The following AP3D1 variants were observed in gnomAD, a reference collection of about 807,000 sequenced individuals.
The protein encoded by AP3D1 is adaptor related protein complex 3 subunit delta 1.
Under a neutral mutation model 147.6 loss-of-function variants are expected in AP3D1, and 51 were observed. The observed-to-expected ratio is 0.35, with a 90% CI of 0.28 to 0.44. The LOEUF (loss-of-function observed/expected upper bound fraction) is 0.44, where lower values mean the gene tolerates loss of function less well. Among genes scored for constraint, AP3D1 ranks in the 20% least tolerant of loss-of-function variants. The pLI is 1.00. For missense variants in AP3D1, 1,421 were observed against 1,624.2 expected (o/e 0.87, Z 2.15); for synonymous variants, 760 against 663.0 (o/e 1.15, Z -2.25).
At chr19:2,129,480 C>G (rs1268615601) in intron 6 of AP3D1, 23 bp from the exon 7 acceptor site, 5 of 1,607,048 alleles carry the variant, frequency 3.1e-6, no homozygotes, top group Admixed American at 1.7e-5. Flanking sequence ...GGGTTCTCAT[C>G]AGCATGCCTG....
chr19:2,120,180 A>C (rs920344802), intron 14 of AP3D1, among the ~76,000 whole-genome samples: 5 of 152,124 alleles, frequency 3.3e-5, no homozygotes, highest in Admixed American at 6.5e-5. Context: ...TTTCCAAGAG[A>C]GCCTGGAAAT....
chr19:2,155,730 G>C (rs539360652), upstream of AP3D1, among the ~76,000 whole-genome samples: 2 of 152,022 alleles, frequency 1.3e-5, no homozygotes, highest in South Asian at 4.1e-4. Flanking sequence ...TGTATGGGTG[G>C]ACATTTAAAA....
chr19:2,115,101 T>C, intron 20 of AP3D1, 118 bp downstream of exon 20: 1 of 1,078,430 alleles, frequency 9.3e-7, no homozygotes, highest in Middle Eastern at 2.9e-4. Flanking sequence ...CTCTCCGGGG[T>C]GGGGCCTCAT....
chr19:2,119,681 T>C (rs529226674), intron 14 of AP3D1, among the ~76,000 whole-genome samples: 3 of 91,318 alleles, frequency 3.3e-5, no homozygotes, highest in South Asian at 3.6e-4. Context: ...GGAAAACAGA[T>C]AGAGCAAGAC....
intron 31 of AP3D1, among the ~76,000 whole-genome samples, chr19:2,108,440 G>T (rs530527746): frequency 3.3e-5 from 5 of 152,290 alleles, no homozygotes; most frequent in African/African-American, 9.6e-5. Context: ...CAGTGGGAGT[G>T]GGGCCCCTGG....
chr19:2,142,794 C>T (rs1323752201), intron 1 of AP3D1, among the ~76,000 whole-genome samples: 9 of 151,166 alleles, frequency 6.0e-5, no homozygotes, highest in African/African-American at 2.2e-4. Context: ...CAGAGTTTCA[C>T]TCTTGTTGCC....
At position 2,116,703 on chromosome 19, in the gene AP3D1, C is replaced by T. The variant is rs769016159; in HGVS notation, c.1903G>A (p.Glu635Lys). 4 of 1,611,446 alleles carry T rather than the reference C, an allele frequency of 2.5e-6. No individual in the cohort carries two copies. The highest frequency in any genetic ancestry group is 1.7e-5 in the Admixed American group (1 of 59,798). Reference sequence around the variant, plus strand: ...GCCCTGGGCCTCTCGTCCTCTGACTCGCTGTCCGAGAGTGGCTCATTGATC... The same window carrying T: ...GCCCTGGGCCTCTCGTCCTCTGACTTGCTGTCCGAGAGTGGCTCATTGATC... ...AWINEPLSDS[E>K]SEDERPRAVF... Residue 635 changes from glutamate (E) to lysine (K), a missense_variant, in exon 17 of 32, where the codon GAG (glutamate) becomes AAG (lysine). By Grantham distance (56) the Glu-to-Lys change is moderately conservative. Coordinates refer to ENST00000643116, the MANE Select transcript of AP3D1 (RefSeq NM_001261826.3).
At chr19:2,114,523 C>T (rs1408588046) in intron 21 of AP3D1, among the ~76,000 whole-genome samples, 1 of 152,166 alleles carries the variant, frequency 6.6e-6, no homozygotes, top group East Asian at 1.9e-4. Context: ...TGGAGACCTC[C>T]CGAGCACCCC....
chr19:2,137,228 G>GCGTC, intron 3 of AP3D1, 137 bp from the exon 4 acceptor site: 1 of 722,158 alleles, frequency 1.4e-6, no homozygotes, highest in Non-Finnish European at 2.4e-6. Context: ...GGGGCCACCA[G>GCGTC]CAAGTGGGAA....
At chr19:2,110,649 C>T (rs1026438538) in intron 27 of AP3D1, 58 bp downstream of exon 27, 8 of 1,478,540 alleles carry the variant, frequency 5.4e-6, no homozygotes, top group East Asian at 2.5e-5. Flanking sequence ...GGGCAGTCAC[C>T]AGCTGCCACT....
chr19:2,164,139 C>T (rs1472541484), intron 1 of AP3D1: 13 of 1,118,294 alleles, frequency 1.2e-5, no homozygotes, highest in Non-Finnish European at 1.3e-5. Flanking sequence ...CCCCGCCCCT[C>T]CCCCAACCGC....
chr19:2,162,107 G>C lies in AP3D1; in HGVS notation c.-103+2249C>G, dbSNP rs144175636. ...CTGGAGTGCAGTGGCACGATCTCGG[G>C]TCACTGCAGCCTCTGCCTCCCGGAC... On this transcript the variant is annotated intron_variant, in intron 1 of 14. Coordinates refer to the AP3D1 transcript ENST00000643010. Among the ~76,000 whole-genome samples the C allele has an allele frequency of 7.5e-4, 112 of 148,796 alleles. 1 individual carries two copies. The highest frequency in any genetic ancestry group is 2.7e-3 in the African/African-American group (109 of 40,560).
At chr19:2,124,305 G>A (rs2018692170) in intron 9 of AP3D1, among the ~76,000 whole-genome samples, 1 of 152,222 alleles carries the variant, frequency 6.6e-6, no homozygotes, top group African/African-American at 2.4e-5. Context: ...GGGGGATGAA[G>A]CACATCCGGC....
Position 2,102,130 on chromosome 19 carries a change from G to T in AP3D1, c.*43C>A. 6.6e-7 allele frequency: 1 copy of T among 1,518,648 alleles called. No homozygotes were observed. The highest frequency in any genetic ancestry group is 9.1e-7 in the Non-Finnish European group (1 of 1,096,242). The allele number at this position is 1,518,648 out of a possible 1,614,324, so 94.1% of individuals were successfully genotyped here. On this transcript the variant is annotated 3_prime_UTR_variant, in exon 32 of 32. Transcript: ENST00000643116. The stretch of plus-strand genomic sequence containing the variant: ...GAGACACGTCAGGGCTGCGGTCCCT[G>T]GGTACGTGCTCCGCGGGGTGGTGCG...
intron 1 of AP3D1, among the ~76,000 whole-genome samples, chr19:2,163,491 CT>C (rs34647490): frequency 0.46 from 64,580 of 140,970 alleles, 13,979 homozygotes; most frequent in Non-Finnish European, 0.47. Context: ...CGCGCCTGGC[CT>C]TTTTTTTTTT....
rs536614400 is a variant in AP3D1, at chr19:2,121,960, G to A, written c.956-81C>T. On this transcript the variant is annotated intron_variant, in intron 11 of 31. Coordinates refer to ENST00000643116, the MANE Select transcript of AP3D1 (RefSeq NM_001261826.3). ...GGCAGGGCCCACGGCTCTCCGGGCCGGGTCTCCACCTCGGGAGGCTGCCTG... is the reference window on the plus strand; with the variant it reads ...GGCAGGGCCCACGGCTCTCCGGGCCAGGTCTCCACCTCGGGAGGCTGCCTG... The A allele has an allele frequency of 5.8e-5, 86 of 1,473,704 alleles. No homozygotes were observed. In the Admixed American group the frequency reaches 7.3e-4, roughly 13 times the overall value. The allele number at this position is 1,473,704 out of a possible 1,614,324, so 91.3% of individuals were successfully genotyped here.
chr19:2,163,077 A>ATTAG (rs1354774357), intron 1 of AP3D1, among the ~76,000 whole-genome samples: 1 of 151,948 alleles, frequency 6.6e-6, no homozygotes, highest in African/African-American at 2.4e-5. Context: ...TAATTAATTA[A>ATTAG]TTAATTATTT....
chr19:2,137,885 C>T (rs1399393595), intron 2 of AP3D1, 78 bp from the exon 3 acceptor site: 2 of 1,337,568 alleles, frequency 1.5e-6, no homozygotes, highest in Non-Finnish European at 2.1e-6. Context: ...ATCAAGCGCT[C>T]CCTCCCAGCA....
intron 5 of AP3D1, among the ~76,000 whole-genome samples, chr19:2,130,738 CAG>C (rs2018916558): frequency 6.6e-6 from 1 of 152,236 alleles, no homozygotes; most frequent in Admixed American, 6.5e-5. Context: ...GCCTGCCCTC[CAG>C]AGAGAGCCCT....
Sources: allele counts gnomAD v4.1 joint callset (sites outside exome capture counted in the v4.1 genomes callset), GRCh38; gene constraint gnomAD v4.1.1; transcripts MANE v1.5; gene names NCBI Gene and HGNC (gene_info 2026-07-23, HGNC 2026-07-21).